Variants in BCKDHB observed in about 807,000 individuals in gnomAD.
BCKDHB encodes branched chain keto acid dehydrogenase E1 subunit beta, also known as 2-oxoisovalerate dehydrogenase subunit beta, mitochondrial.
Under a neutral mutation model 48.5 loss-of-function variants are expected in BCKDHB, and 41 were observed. The observed-to-expected ratio is 0.85, with a 90% confidence interval of 0.66 to 1.10. The LOEUF (loss-of-function observed/expected upper bound fraction) is 1.10, where lower values mean the gene tolerates loss of function less well. Ranked by LOEUF, BCKDHB falls within the 50% of genes least tolerant of loss-of-function variation. The probability of loss-of-function intolerance (pLI) is 0.00; values close to 1 mark genes in which losing one functional copy is unlikely to be tolerated. For missense variants in BCKDHB, 496 were observed against 494.2 expected (o/e 1.00, Z -0.03); for synonymous variants, 201 against 174.8 (o/e 1.15, Z -1.18).
At chr6:80,341,224 C>T (rs1345763267) in intron 9 of BCKDHB, among the ~76,000 whole-genome samples, 5 of 152,110 alleles carry the variant, frequency 3.3e-5, no homozygotes, top group South Asian at 4.1e-4. Flanking sequence ...TTACAGTAAT[C>T]GTTTCCAAAT....
intron 6 of BCKDHB, among the ~76,000 whole-genome samples, chr6:80,177,937 A>G (rs1353347064): frequency 2.0e-5 from 3 of 152,230 alleles, no homozygotes. Context: ...ACAGAGGTAA[A>G]TGCAAGGCTT....
intron 9 of BCKDHB, among the ~76,000 whole-genome samples, chr6:80,283,221 C>A (rs1288239520): frequency 6.6e-6 from 1 of 152,022 alleles, no homozygotes; most frequent in Non-Finnish European, 1.5e-5. Flanking sequence ...GATACTGAAA[C>A]TGACATTACT....
the BCKDHB span, among the ~76,000 whole-genome samples, chr6:80,458,082 A>C: frequency 3.3e-5 from 5 of 152,198 alleles, no homozygotes; most frequent in Non-Finnish European, 7.3e-5. Context: ...ACCCAGTTAT[A>C]GGTTGAGTTC....
chr6:80,129,672 TTA>T lies in BCKDHB; in HGVS notation c.343+444_343+445del, dbSNP rs540984648. Among the ~76,000 whole-genome samples, 264 of 152,152 alleles carry T rather than the reference TTA, an allele frequency of 1.7e-3. 1 individual carries two copies. Among genetic ancestry groups the T allele is most frequent in the African/African-American group, 6.0e-3 (250 of 41,510 alleles). ...TTTTAAGGAACTGGCTCATGTGAGT[TTA>T]GTTTTAAGGAACTGGCTGGCAAGTC... On this transcript the variant is annotated intron_variant, in intron 3 of 9. Coordinates refer to ENST00000320393, the MANE Select transcript of BCKDHB (RefSeq NM_183050.4).
intron 3 of BCKDHB, among the ~76,000 whole-genome samples, chr6:80,140,032 G>T (rs185629388): frequency 1.4e-4 from 22 of 152,162 alleles, no homozygotes; most frequent in Non-Finnish European, 2.2e-4. Context: ...CCCTTGTAAG[G>T]TGGATTCCTA....
At chr6:80,370,788 TATATAGCGTGTGTGTGTG>T in the BCKDHB span, among the ~76,000 whole-genome samples, 1 of 129,292 alleles carries the variant, frequency 7.7e-6, no homozygotes, top group Non-Finnish European at 1.6e-5. Context: ...TGTGTGTGTA[TATATAGCGTGTGTGTGTG>T]TGTATATATA....
At chr6:80,215,159 T>A (rs987825019) in intron 8 of BCKDHB, among the ~76,000 whole-genome samples, 1 of 152,196 alleles carries the variant, frequency 6.6e-6, no homozygotes, top group Non-Finnish European at 1.5e-5. Flanking sequence ...TCATTTTGTG[T>A]GAGTTTGGAA....
chr6:80,384,385 G>C, the BCKDHB span, among the ~76,000 whole-genome samples: 1 of 150,388 alleles, frequency 6.6e-6, no homozygotes. Context: ...CTGAGATGGA[G>C]TCTCGCTCTG....
At chr6:80,373,204 A>G in the BCKDHB span, among the ~76,000 whole-genome samples, 71,148 of 151,800 alleles carry the variant, frequency 0.47, 18,095 homozygotes, top group Non-Finnish European at 0.59. Context: ...GAATTTATCC[A>G]TCTCCTCTAG....
intron 8 of BCKDHB, among the ~76,000 whole-genome samples, chr6:80,272,049 T>C (rs1295988229): frequency 6.6e-6 from 1 of 152,104 alleles, no homozygotes; most frequent in Non-Finnish European, 1.5e-5. Flanking sequence ...ATCCTAAGGT[T>C]AGCGTTTCAC....
chr6:80,125,099 T>G (rs879573020), intron 1 of BCKDHB, among the ~76,000 whole-genome samples: 3 of 152,242 alleles, frequency 2.0e-5, no homozygotes, highest in Non-Finnish European at 2.9e-5. Context: ...GCCACCTTCA[T>G]CAATGATCTT....
chr6:80,393,913 A>C, the BCKDHB span, among the ~76,000 whole-genome samples: 18 of 152,170 alleles, frequency 1.2e-4, no homozygotes, highest in African/African-American at 4.1e-4. Flanking sequence ...AAATTTTGAA[A>C]ACTTGAGTTT....
At chr6:80,190,206 A>T (rs752965768) in intron 6 of BCKDHB, among the ~76,000 whole-genome samples, 21 of 152,152 alleles carry the variant, frequency 1.4e-4, no homozygotes, top group Non-Finnish European at 2.4e-4. Flanking sequence ...CTGTGAGAGA[A>T]TTCTAGATTT....
At chr6:80,321,309 A>AT (rs1491491366) in intron 9 of BCKDHB, among the ~76,000 whole-genome samples, 1 of 152,190 alleles carries the variant, frequency 6.6e-6, no homozygotes, top group African/African-American at 2.4e-5. Context: ...ACAGAATATC[A>AT]TATGTCTCCT....
At chr6:80,139,307 A>G (rs1177753616) in intron 3 of BCKDHB, among the ~76,000 whole-genome samples, 1 of 151,864 alleles carries the variant, frequency 6.6e-6, no homozygotes, top group Non-Finnish European at 1.5e-5. Flanking sequence ...CTTTAGTTTA[A>G]TTAGATCCCA....
intron 6 of BCKDHB, among the ~76,000 whole-genome samples, chr6:80,172,796 A>G (rs184329539): frequency 3.3e-5 from 5 of 152,224 alleles, no homozygotes; most frequent in East Asian, 1.9e-4. Context: ...TTACACTTTC[A>G]TTGGAGATTT....
chr6:80,441,013 C>G, the BCKDHB span: 1 of 152,150 alleles, frequency 6.6e-6, no homozygotes, highest in Non-Finnish European at 1.5e-5. Flanking sequence ...GTTCATCTGA[C>G]ACACCTTTCC....
In BCKDHB at chr6:80,169,339, A is replaced by G. The variant is rs1449154694; in HGVS notation, c.633+309A>G. ...TACCTCCCCTCTCTTTCAAAGCTTT[A>G]TATTTCTTTCTAACTTAAGTCTTTC... On this transcript the variant is annotated intron_variant, in intron 5 of 9. Coordinates refer to ENST00000320393, the MANE Select transcript of BCKDHB (RefSeq NM_183050.4). 4.6e-5 allele frequency among the ~76,000 whole-genome samples: 7 copies of G among 152,292 alleles called. No individual in the cohort carries two copies. In the Middle Eastern group the frequency reaches 0.01, roughly 222 times the overall value.
chr6:80,320,967 T>A (rs1300088293), intron 9 of BCKDHB, among the ~76,000 whole-genome samples: 1 of 152,092 alleles, frequency 6.6e-6, no homozygotes, highest in Non-Finnish European at 1.5e-5. Flanking sequence ...ACCTCTGATA[T>A]CCCCTGTCCC....
Sources: allele counts gnomAD v4.1 joint callset (sites outside exome capture counted in the v4.1 genomes callset), GRCh38; gene constraint gnomAD v4.1.1; transcripts MANE v1.5; gene names NCBI Gene and HGNC (gene_info 2026-07-23, HGNC 2026-07-21).